Variants in ABCB9 observed in about 807,000 individuals in gnomAD.
ABCB9 encodes the protein ABC-type oligopeptide transporter ABCB9.
Under a neutral mutation model 62.0 loss-of-function variants are expected in ABCB9, and 36 were observed. That is an observed-to-expected ratio of 0.58 (90% CI 0.45 to 0.77). ABCB9 has a LOEUF of 0.77. Among genes scored for constraint, ABCB9 ranks in the 30% least tolerant of loss-of-function variants. ABCB9 has a pLI of 0.00. For synonymous variants in ABCB9, 435 were observed against 461.4 expected, an observed-to-expected ratio of 0.94 and a Z score of 0.73; for missense variants, 943 against 1,054.7, an observed-to-expected ratio of 0.89 and a Z score of 1.47.
chr12:122,921,394 A>C (rs2034743499), intron 11 of ABCB9, among the ~76,000 whole-genome samples: 1 of 152,180 alleles, frequency 6.6e-6, no homozygotes, highest in Non-Finnish European at 1.5e-5. Context: ...CAGGCTAGGC[A>C]ACAGAGCAAG....
intron 10 of ABCB9, among the ~76,000 whole-genome samples, chr12:122,934,837 A>C (rs1566158606): frequency 1.3e-5 from 2 of 151,212 alleles, no homozygotes; most frequent in Middle Eastern, 3.4e-3. Context: ...GAAAAAAAAA[A>C]CCCAGCTCCT....
upstream of ABCB9, among the ~76,000 whole-genome samples, chr12:122,970,237 G>T (rs1447915706): frequency 6.6e-6 from 1 of 151,846 alleles, no homozygotes. Flanking sequence ...CTGCCACCAT[G>T]CCCGGCTAAT....
At chr12:122,946,490 T>A (rs2036053444) in intron 5 of ABCB9, 2 of 505,830 alleles carry the variant, frequency 4.0e-6, no homozygotes, top group African/African-American at 3.8e-5. Flanking sequence ...CGTTAAGTCA[T>A]CCCCAGTATT....
Position 122,948,618 on chromosome 12 carries a change from G to A in ABCB9, c.1053+6C>T. On this transcript the variant is annotated splice_donor_region_variant and intron_variant, in intron 5 of 11. Transcript: ENST00000280560. ...ACAGTCCCCAGCAGAGACAGGGCAG[G>A]CCTACCTTGTAGTACTTGCCGTAGA... 1 of 1,607,600 alleles carries A rather than the reference G, an allele frequency of 6.2e-7. No homozygotes were observed. Among genetic ancestry groups the A allele is most frequent in the South Asian group, 1.1e-5 (1 of 90,158 alleles).
intron 4 of ABCB9, 55 bp from the exon 5 acceptor site, chr12:122,948,884 G>A (rs1306854308): frequency 1.5e-5 from 22 of 1,428,754 alleles, no homozygotes; most frequent in Admixed American, 1.1e-4. Flanking sequence ...TGGGGGTGGC[G>A]GTGGGGGATG....
At chr12:122,971,163 A>C (rs961661454), upstream of ABCB9, among the ~76,000 whole-genome samples, 4 of 152,078 alleles carry the variant, frequency 2.6e-5, no homozygotes, top group African/African-American at 9.7e-5. Flanking sequence ...CGGGTGGATC[A>C]CCTGAGGTCA....
chr12:122,940,955 C>A lies in ABCB9; in HGVS notation c.1421G>T (p.Gly474Val), dbSNP rs1012653186. The change falls in exon 8 of 12, where the codon GGG (glycine) becomes GTG (valine). Residue 474 changes from glycine (G) to valine (V), a missense_variant. Transcript: ENST00000280560. The surrounding 1 kb of genome is among the most constrained non-coding windows in gnomAD (Gnocchi z 4.8). ...SVYSGLMQGV[G>V]AAEKVFEFID... ...GAACTCGAACACCTTCTCAGCAGCC[C>A]CCACTCCCTGCATCAGGCCACTGTA... 1.2e-6 allele frequency: 2 copies of A among 1,612,192 alleles called. No individual in the cohort carries two copies. Among genetic ancestry groups the A allele is most frequent in the African/African-American group, 2.7e-5 (2 of 74,882 alleles).
At chr12:122,969,390 C>G (rs1042070255), upstream of ABCB9, among the ~76,000 whole-genome samples, 2 of 152,202 alleles carry the variant, frequency 1.3e-5, no homozygotes, top group Admixed American at 1.3e-4. Context: ...ACTAAAAACT[C>G]TTGAATTGTA....
At chr12:122,937,866 A>T (rs1162314445) in intron 9 of ABCB9, among the ~76,000 whole-genome samples, 1 of 152,202 alleles carries the variant, frequency 6.6e-6, no homozygotes, top group Middle Eastern at 3.2e-3. Flanking sequence ...GCAACCATCC[A>T]GGGCATCCCT....
rs1433340770 is a variant in ABCB9 at position 122,930,862 on chromosome 12, C to T, written c.2041-691G>A. 1.3e-5 allele frequency among the ~76,000 whole-genome samples: 2 copies of T among 152,182 alleles called. No individual in the cohort carries two copies. Among genetic ancestry groups the T allele is most frequent in the South Asian group, 2.1e-4 (1 of 4,820 alleles). On this transcript the variant is annotated intron_variant, in intron 11 of 11. Transcript: ENST00000280560. This position sits in a 1 kb window ranked among gnomAD's most constrained non-coding sequence, Gnocchi z 4.9. ...TCTCTGTGTAACAAATGAATCAATC[C>T]GCGCATAGACTGAGGTTGCTAGCCA...
At chr12:122,968,218 C>T (rs926950529), upstream of ABCB9, among the ~76,000 whole-genome samples, 3 of 152,198 alleles carry the variant, frequency 2.0e-5, no homozygotes, top group Admixed American at 6.5e-5. Flanking sequence ...TACTTGAAGA[C>T]GATATCTTGG....
chr12:122,962,216 G>A (rs1220092819), intron 1 of ABCB9, among the ~76,000 whole-genome samples: 1 of 152,204 alleles, frequency 6.6e-6, no homozygotes, highest in Non-Finnish European at 1.5e-5. Context: ...AGTGGGCCTG[G>A]AGGCCTGAGT....
rs1380906895 is a variant in ABCB9, at chr12:122,940,773, G to A, written c.1569+34C>T. On this transcript the variant is annotated intron_variant, in intron 8 of 11. Coordinates refer to ENST00000280560, the MANE Select transcript of ABCB9 (RefSeq NM_019625.4). The surrounding 1 kb of genome is among the most constrained non-coding windows in gnomAD (Gnocchi z 4.8). Reference sequence around the variant, plus strand: ...GCACCAGAAATGGGGTGACGGAAAGGCTGATTCTGGCAGGCCTCAAGCCGC... The same window carrying A: ...GCACCAGAAATGGGGTGACGGAAAGACTGATTCTGGCAGGCCTCAAGCCGC... 1 of 1,532,666 alleles carries A rather than the reference G, an allele frequency of 6.5e-7. No homozygotes were observed. Among genetic ancestry groups the A allele is most frequent in the South Asian group, 1.3e-5 (1 of 79,884 alleles). 94.9% of individuals were successfully genotyped at this position (1,532,666 alleles called of 1,614,324 possible).
chr12:122,935,104 G>A (rs1332266258), intron 10 of ABCB9, among the ~76,000 whole-genome samples, 168 bp downstream of exon 10: 1 of 152,202 alleles, frequency 6.6e-6, no homozygotes, highest in African/African-American at 2.4e-5. Flanking sequence ...GGGGATTGCA[G>A]GAAGATTGCT....
At chr12:122,927,725 G>A (rs1180894617), downstream of ABCB9, among the ~76,000 whole-genome samples, 1 of 152,182 alleles carries the variant, frequency 6.6e-6, no homozygotes, top group Non-Finnish European at 1.5e-5. Context: ...CCCCTTGCGA[G>A]GGACTTTGCA....
At chr12:122,920,839 G>A (rs1360891341), downstream of ABCB9, 2 of 546,964 alleles carry the variant, frequency 3.7e-6, no homozygotes, top group African/African-American at 1.9e-5. Flanking sequence ...CTGGAGTCTG[G>A]GAGGCAGATG....
At chr12:122,962,263 G>T (rs576060773) in intron 1 of ABCB9, among the ~76,000 whole-genome samples, 2 of 152,312 alleles carry the variant, frequency 1.3e-5, no homozygotes, top group African/African-American at 4.8e-5. Context: ...GGTTAGGACC[G>T]GGCTGGGGTG....
chr12:122,929,272 C>A lies in ABCB9; in HGVS notation c.*639G>T. Reference sequence around the variant, plus strand: ...AGACCTGGCCAGCCCCTCACTCCCCCAGTTGAGGTTTCGTGTGGTTCACAG... The same window carrying A: ...AGACCTGGCCAGCCCCTCACTCCCCAAGTTGAGGTTTCGTGTGGTTCACAG... On this transcript the variant is annotated 3_prime_UTR_variant, in exon 12 of 12. Coordinates refer to ENST00000280560, the MANE Select transcript of ABCB9 (RefSeq NM_019625.4). The surrounding 1 kb of genome is among the most constrained non-coding windows in gnomAD (Gnocchi z 6.0). 1.0e-6 allele frequency: 1 copy of A among 986,092 alleles called. No homozygotes were observed. Among genetic ancestry groups the A allele is most frequent in the South Asian group, 4.7e-5 (1 of 21,296 alleles). The allele number at this position is 986,092 out of a possible 1,614,324, so 61.1% of individuals were successfully genotyped here. A position where few individuals can be genotyped will look rare whatever the true frequency, so the allele number is the denominator to read the frequency against.
chr12:122,918,778 A>G (rs555695806), downstream of ABCB9, among the ~76,000 whole-genome samples: 13 of 152,216 alleles, frequency 8.5e-5, no homozygotes, highest in African/African-American at 3.1e-4. Flanking sequence ...TTTAAAGTGT[A>G]CAAATGCATT....
Sources: gnomAD v4.1 joint callset for allele counts (sites outside exome capture counted in the v4.1 genomes callset) on GRCh38, gnomAD v4.1.1 for gene constraint, Gnocchi (gnomAD v3.1) non-coding constraint, MANE v1.5 for transcripts, NCBI Gene and HGNC (gene_info 2026-07-23, HGNC 2026-07-21) for gene names.